The following SEC31A variants were observed in gnomAD, a reference collection of about 807,000 sequenced individuals.
SEC31A encodes protein transport protein Sec31A.
SEC31A carries 70 observed loss-of-function variants against 151.0 expected under a neutral mutation model. That is an observed-to-expected ratio of 0.46 (90% CI 0.38 to 0.57). SEC31A has a LOEUF of 0.57. SEC31A is among the 20% of genes least tolerant of loss of function. The pLI is 0.00. For missense variants in SEC31A, 1,330 were observed against 1,471.2 expected (o/e 0.90, Z 1.57); for synonymous variants, 475 against 505.9 (o/e 0.94, Z 0.82).
At chr4:82,821,146 T>A in intron 25 of SEC31A, 38 bp from the exon 26 acceptor site, 1 of 1,506,120 alleles carries the variant, frequency 6.6e-7, no homozygotes, top group Non-Finnish European at 9.2e-7. Context: ...ATTTGAACAT[T>A]AACTTTTAAC....
rs1383073341 is a variant in SEC31A, at chr4:82,881,843, C to T, written c.79+15G>A. 2 of 1,601,016 alleles carry T rather than the reference C, an allele frequency of 1.2e-6. No individual in the cohort carries two copies. The highest frequency in any genetic ancestry group is 8.6e-7 in the Non-Finnish European group (1 of 1,168,140). On this transcript the variant is annotated intron_variant, in intron 2 of 26. Transcript: ENST00000395310. ...AATTAGGTAACTCATACTATCTTCT[C>T]TCCTTTGAACTTACCTGTTGCTAGG...
chr4:82,822,509 A>G (rs1362132393), intron 25 of SEC31A, among the ~76,000 whole-genome samples: 1 of 152,200 alleles, frequency 6.6e-6, no homozygotes, highest in African/African-American at 2.4e-5. Flanking sequence ...GTGCTTGGAG[A>G]AGAGAGAGAA....
chr4:82,886,337 A>G (rs1740703942), intron 1 of SEC31A, among the ~76,000 whole-genome samples: 1 of 152,218 alleles, frequency 6.6e-6, no homozygotes, highest in African/African-American at 2.4e-5. Context: ...TACTTTGGAC[A>G]CATTATTTAA....
intron 11 of SEC31A, 137 bp from the exon 12 acceptor site, chr4:82,863,529 A>C: frequency 1.9e-6 from 1 of 526,360 alleles, no homozygotes; most frequent in Non-Finnish European, 3.2e-6. Flanking sequence ...GTTTGAAGGA[A>C]TCCAAAGAAT....
chr4:82,841,830 G>T (rs1265254438), intron 22 of SEC31A, among the ~76,000 whole-genome samples: 1 of 151,390 alleles, frequency 6.6e-6, no homozygotes, highest in Non-Finnish European at 1.5e-5. Context: ...AAATTAGCCA[G>T]GTGTGGTGGT....
intron 7 of SEC31A, among the ~76,000 whole-genome samples, chr4:82,870,687 G>A (rs1445899806): frequency 1.3e-5 from 2 of 151,836 alleles, no homozygotes; most frequent in East Asian, 1.9e-4. Context: ...AACAGAGTGA[G>A]TGAGACTCTA....
upstream of SEC31A, among the ~76,000 whole-genome samples, chr4:82,891,598 T>A (rs1474487188): frequency 1.3e-5 from 2 of 152,242 alleles, no homozygotes; most frequent in Non-Finnish European, 2.9e-5. Context: ...TTTATTGTAA[T>A]TTGTGACTGA....
intron 10 of SEC31A, among the ~76,000 whole-genome samples, 182 bp from the exon 11 acceptor site, chr4:82,864,780 T>G (rs557524707): frequency 4.0e-5 from 6 of 149,432 alleles, no homozygotes; most frequent in East Asian, 3.9e-4. Context: ...GTTTTTTGGT[T>G]TTTTTTTTTT....
At chr4:82,825,247 T>C (rs773493976) in intron 24 of SEC31A, among the ~76,000 whole-genome samples, 1 of 152,240 alleles carries the variant, frequency 6.6e-6, no homozygotes, top group African/African-American at 2.4e-5. Context: ...CTTTCACTCA[T>C]TCAAAAAATA....
At chr4:82,865,936 A>C (rs992502027) in intron 10 of SEC31A, among the ~76,000 whole-genome samples, 4 of 152,130 alleles carry the variant, frequency 2.6e-5, no homozygotes, top group African/African-American at 9.7e-5. Context: ...AAAATGGTTA[A>C]GATAGTAAAT....
upstream of SEC31A, chr4:82,891,203 C>T: frequency 6.5e-7 from 1 of 1,529,408 alleles, no homozygotes; most frequent in South Asian, 1.2e-5. Context: ...TCCGTTCCAA[C>T]GTGGCAGCCG....
Position 82,857,008 on chromosome 4 carries a change from G to A in SEC31A, c.1825C>T (p.Leu609Phe). The A allele has an allele frequency of 6.2e-7, 1 of 1,613,874 alleles. No homozygotes were observed. Among genetic ancestry groups the A allele is most frequent in the South Asian group, 1.1e-5 (1 of 91,042 alleles). The change falls in exon 16 of 27, where the codon CTC becomes TTC. Residue 609 changes from leucine (L) to phenylalanine (F), a missense_variant. Transcript: ENST00000395310. ...IILAIAGGQE[L>F]LARTQKKYFA... ...TATTTTTTCTGGGTTCGAGCCAAGA[G>A]TTCTTGTCCACCTGCTATGGCCAAT...
In SEC31A at chr4:82,819,118, C is replaced by G; in HGVS notation, c.3619G>C (p.Val1207Leu). The G allele has an allele frequency of 1.2e-6, 2 of 1,611,522 alleles. No individual in the cohort carries two copies. The highest frequency in any genetic ancestry group is 1.1e-5 in the South Asian group (1 of 90,346). Reference sequence around the variant, plus strand: ...GCCTGGGTGAGAACAACTTTGAGAACTGGCATGAAAGCAGAGGTCTCACTG... The same window carrying G: ...GCCTGGGTGAGAACAACTTTGAGAAGTGGCATGAAAGCAGAGGTCTCACTG... ...NFSETSAFMP[V>L]LKVVLTQANK... is the part of the protein sequence containing the mutation. Residue 1207 changes from valine (V) to leucine (L), a missense_variant, in exon 27 of 27, where the codon GTT (valine) becomes CTT (leucine). Coordinates refer to ENST00000395310, the MANE Select transcript of SEC31A (RefSeq NM_001077207.4).
chr4:82,848,676 GATCT>G, intron 20 of SEC31A, 124 bp downstream of exon 20: 1 of 660,304 alleles, frequency 1.5e-6, no homozygotes, highest in Non-Finnish European at 2.4e-6. Flanking sequence ...CTAGAAAATA[GATCT>G]ATTATAACAA....
At chr4:82,881,026 A>G in intron 2 of SEC31A, 104 bp from the exon 3 acceptor site, 1 of 925,084 alleles carries the variant, frequency 1.1e-6, no homozygotes, top group Non-Finnish European at 1.7e-6. Context: ...CTTGCTCATG[A>G]ATGCTGCACA....
At chr4:82,866,557 C>T (rs1250459912) in intron 10 of SEC31A, among the ~76,000 whole-genome samples, 1 of 151,806 alleles carries the variant, frequency 6.6e-6, no homozygotes, top group Non-Finnish European at 1.5e-5. Flanking sequence ...TACTTAATGC[C>T]ATTGAACTGT....
At chr4:82,874,255 G>A (rs1301406694) in intron 6 of SEC31A, among the ~76,000 whole-genome samples, 2 of 150,518 alleles carry the variant, frequency 1.3e-5, no homozygotes, top group South Asian at 2.1e-4. Context: ...CCGAGATCAC[G>A]CCACTGTACT....
chr4:82,838,857 T>G (rs769554033), intron 22 of SEC31A, among the ~76,000 whole-genome samples: 4 of 152,226 alleles, frequency 2.6e-5, no homozygotes, highest in South Asian at 2.1e-4. Flanking sequence ...ATTTTGTTGT[T>G]CACTAATAGA....
chr4:82,827,983 C>T (rs1725007527), intron 23 of SEC31A, among the ~76,000 whole-genome samples: 1 of 151,814 alleles, frequency 6.6e-6, no homozygotes, highest in African/African-American at 2.4e-5. Flanking sequence ...AGCGCAATCT[C>T]AGCTCACTGC....
Sources: gnomAD v4.1 joint callset for allele counts (sites outside exome capture counted in the v4.1 genomes callset) on GRCh38, gnomAD v4.1.1 for gene constraint, MANE v1.5 for transcripts, NCBI Gene and HGNC (gene_info 2026-07-23, HGNC 2026-07-21) for gene names.